The following TCERG1L variants were observed in gnomAD, a reference collection of about 807,000 sequenced individuals.
TCERG1L encodes transcription elongation regulator 1 like.
Under a neutral mutation model 56.3 loss-of-function variants are expected in TCERG1L, and 37 were observed. That is an observed-to-expected ratio of 0.66 (90% CI 0.51 to 0.87). The LOEUF is 0.87. Among genes scored for constraint, TCERG1L ranks in the 40% least tolerant of loss-of-function variants. The pLI is 0.00. For missense variants in TCERG1L, 799 were observed against 774.2 expected, an observed-to-expected ratio of 1.03 and a Z score of -0.38; for synonymous variants, 324 against 326.3, an observed-to-expected ratio of 0.99 and a Z score of 0.08.
At chr10:131,109,850 G>A (rs1845392923) in intron 9 of TCERG1L, among the ~76,000 whole-genome samples, 1 of 152,246 alleles carries the variant, frequency 6.6e-6, no homozygotes, top group African/African-American at 2.4e-5. Context: ...AGAAGCCAGA[G>A]CTGGTTGTTA....
rs778967767 is a variant in TCERG1L, at chr10:131,132,670, G to A, written c.1259+1709C>T. The stretch of plus-strand genomic sequence containing the variant: ...AGCTTAGCTGAGGTCCACGTGTGAC[G>A]GTGAAATCAGAGAGGCTGCACTGGG... On this transcript the variant is annotated intron_variant, in intron 8 of 11. Transcript: ENST00000368642. Among the ~76,000 whole-genome samples the A allele has an allele frequency of 1.6e-4, 24 of 152,230 alleles. 1 individual carries two copies. The highest frequency in any genetic ancestry group is 3.9e-4 in the Admixed American group (6 of 15,294).
intron 4 of TCERG1L, among the ~76,000 whole-genome samples, chr10:131,205,364 T>TA (rs67880177): frequency 0.11 from 15,542 of 141,086 alleles, 1,000 homozygotes; most frequent in East Asian, 0.18. Context: ...TCTCCTAATG[T>TA]AAAAAAAAAA....
chr10:131,117,911 G>GC (rs2133391108), intron 8 of TCERG1L, among the ~76,000 whole-genome samples: 1 of 152,312 alleles, frequency 6.6e-6, no homozygotes, highest in African/African-American at 2.4e-5. Flanking sequence ...AAATGCAGAC[G>GC]CCGTTCTTCT....
intron 4 of TCERG1L, among the ~76,000 whole-genome samples, chr10:131,218,559 C>T (rs1298980807): frequency 1.3e-5 from 2 of 152,074 alleles, no homozygotes; most frequent in Non-Finnish European, 2.9e-5. Context: ...AATGGTGCGA[C>T]CCTGGCTCAC....
chr10:131,230,435 C>T (rs561820660), intron 4 of TCERG1L, among the ~76,000 whole-genome samples: 158 of 152,292 alleles, frequency 1.0e-3, no homozygotes, highest in African/African-American at 3.6e-3. Flanking sequence ...CAGAGGGCAC[C>T]GGCTGAAGCA....
intron 4 of TCERG1L, among the ~76,000 whole-genome samples, chr10:131,243,624 G>A (rs575678868): frequency 6.9e-4 from 105 of 152,236 alleles, no homozygotes; most frequent in African/African-American, 2.2e-3. Flanking sequence ...CCTCTCTGTC[G>A]TTCCTAAAAC....
chr10:131,165,303 C>G (rs1211282765), intron 5 of TCERG1L, among the ~76,000 whole-genome samples: 1 of 152,156 alleles, frequency 6.6e-6, no homozygotes, highest in Non-Finnish European at 1.5e-5. Context: ...GAGGGTGAAC[C>G]TGGGAAGGGC....
chr10:131,304,703 C>T lies in TCERG1L; in HGVS notation c.670+3508G>A, dbSNP rs562870197. Among the ~76,000 whole-genome samples, 6 of 152,168 alleles carry T rather than the reference C, an allele frequency of 3.9e-5. No individual in the cohort carries two copies. In the East Asian group the frequency reaches 1.2e-3, roughly 29 times the overall value. ...ATTATTAATTGGAGACCTTAATTTC[C>T]AGTGCAGGTGTAATTATTTGCATGC... On this transcript the variant is annotated intron_variant, in intron 3 of 11. Coordinates refer to ENST00000368642, the MANE Select transcript of TCERG1L (RefSeq NM_174937.4).
At chr10:131,264,346 G>A (rs1846264678) in intron 3 of TCERG1L, among the ~76,000 whole-genome samples, 1 of 152,212 alleles carries the variant, frequency 6.6e-6, no homozygotes, top group South Asian at 2.1e-4. Flanking sequence ...GGTCGGGAAG[G>A]GGCTGTCGAA....
chr10:131,148,061 G>A (rs1010741247), intron 6 of TCERG1L, among the ~76,000 whole-genome samples: 4 of 152,324 alleles, frequency 2.6e-5, no homozygotes, highest in Middle Eastern at 3.4e-3. Flanking sequence ...GCCCAGCCAC[G>A]CTCATGAGTG....
chr10:131,309,848 A>AAAC (rs1345415277), intron 1 of TCERG1L, among the ~76,000 whole-genome samples: 3 of 149,672 alleles, frequency 2.0e-5, no homozygotes, highest in African/African-American at 7.3e-5. Flanking sequence ...AAAAAAAAAA[A>AAAC]AAAAAAAAAA....
chr10:131,130,643 A>G (rs961409502), intron 8 of TCERG1L, among the ~76,000 whole-genome samples: 8 of 152,220 alleles, frequency 5.3e-5, no homozygotes, highest in Non-Finnish European at 1.0e-4. Context: ...ATTTCTCATA[A>G]TACAGAACAA....
chr10:131,266,610 T>C (rs1002147632), intron 3 of TCERG1L, among the ~76,000 whole-genome samples: 5 of 152,168 alleles, frequency 3.3e-5, no homozygotes, highest in African/African-American at 1.2e-4. Context: ...TATTAAGTGT[T>C]AGAACAGCTC....
Position 131,256,988 on chromosome 10 carries a change from G to GGAAGAAA in TCERG1L, c.856+3270_856+3271insTTTCTTC, listed in dbSNP as rs1846172362. Among the ~76,000 whole-genome samples the GGAAGAAA allele has an allele frequency of 2.2e-3, 157 of 72,922 alleles. 1 individual carries two copies. The highest frequency in any genetic ancestry group is 7.3e-3 in the African/African-American group (143 of 19,536). The allele number at this position is 72,922 out of a possible 152,430, so 47.8% of individuals were successfully genotyped here. A position where few individuals can be genotyped will look rare whatever the true frequency, so the allele number is the denominator to read the frequency against. ...AGGAAGGAAGGAAGGAAGGAAGGAA[G>GGAAGAAA]GAAGGAAAGAAAGAAAGAAAGAAAG... On this transcript the variant is annotated intron_variant, in intron 4 of 11. Coordinates refer to ENST00000368642, the MANE Select transcript of TCERG1L (RefSeq NM_174937.4).
intron 8 of TCERG1L, 24 bp from the exon 9 acceptor site, chr10:131,116,958 T>C (rs1476419550): frequency 6.3e-7 from 1 of 1,599,610 alleles, no homozygotes; most frequent in African/African-American, 1.3e-5. Context: ...AGACGCAGAG[T>C]TAGACACACT....
chr10:131,122,956 A>T (rs754119803), intron 8 of TCERG1L, among the ~76,000 whole-genome samples: 1 of 152,174 alleles, frequency 6.6e-6, no homozygotes, highest in Non-Finnish European at 1.5e-5. Context: ...ATTTGCTTCA[A>T]TTGCATTCAG....
intron 4 of TCERG1L, among the ~76,000 whole-genome samples, chr10:131,214,457 C>A (rs1241399617): frequency 3.9e-5 from 6 of 152,212 alleles, no homozygotes; most frequent in Non-Finnish European, 8.8e-5. Flanking sequence ...GAGTTTGGAA[C>A]CCCTTCCAAG....
In TCERG1L at chr10:131,207,308, T is replaced by C. The variant is rs77287473; in HGVS notation, c.857-40423A>G. Among the ~76,000 whole-genome samples, 487 of 152,218 alleles carry C rather than the reference T, an allele frequency of 3.2e-3. 1 individual carries two copies. The highest frequency in any genetic ancestry group is 0.011 in the African/African-American group (469 of 41,534). On this transcript the variant is annotated intron_variant, in intron 4 of 11. Transcript: ENST00000368642. ...TTTCCAAATGGGCTGAAAGCCAGCA[T>C]GAGTGTCACCTGGTTTCACGCGCAG...
chr10:131,114,527 G>C lies in TCERG1L; in HGVS notation c.1395+2272C>G, dbSNP rs778886828. On this transcript the variant is annotated intron_variant, in intron 9 of 11. Coordinates refer to ENST00000368642, the MANE Select transcript of TCERG1L (RefSeq NM_174937.4). ...CCTGGTGGTTACCGCTTCACGTTCA[G>C]ATGATTTTGCTGATTCCTGTATAAT... is the stretch of plus-strand genomic sequence containing the variant. Among the ~76,000 whole-genome samples the C allele has an allele frequency of 1.2e-4, 18 of 152,104 alleles. 2 individuals are homozygous for C. The highest frequency in any genetic ancestry group is 2.5e-4 in the Non-Finnish European group (17 of 68,040).
Sources: gnomAD v4.1 joint callset for allele counts (sites outside exome capture counted in the v4.1 genomes callset) on GRCh38, gnomAD v4.1.1 for gene constraint, MANE v1.5 for transcripts, NCBI Gene and HGNC (gene_info 2026-07-23, HGNC 2026-07-21) for gene names.